ZFPM1: variants seen among roughly 807,000 people sequenced by gnomAD.
ZFPM1 encodes zinc finger protein ZFPM1.
In ZFPM1, 28 loss-of-function variants were observed where a neutral mutation model predicts 46.3. The observed-to-expected ratio is 0.60, with a 90% CI of 0.45 to 0.83. The LOEUF (loss-of-function observed/expected upper bound fraction) is 0.83. Among genes scored for constraint, ZFPM1 ranks in the 40% least tolerant of loss-of-function variants. The probability of loss-of-function intolerance (pLI) is 0.00; values close to 1 mark genes in which losing one functional copy is unlikely to be tolerated. For synonymous variants in ZFPM1, 957 were observed against 675.9 expected, an observed-to-expected ratio of 1.42 and a Z score of -6.45; for missense variants, 1,878 against 1,432.4, an observed-to-expected ratio of 1.31 and a Z score of -5.02.
chr16:88,479,062 C>G (rs902429476), intron 1 of ZFPM1, among the ~76,000 whole-genome samples: 1 of 152,214 alleles, frequency 6.6e-6, no homozygotes, highest in Non-Finnish European at 1.5e-5. Context: ...CTCTCCCAGG[C>G]TCTGCGCCCA....
chr16:88,491,557 G>T (rs1332335962), intron 3 of ZFPM1, among the ~76,000 whole-genome samples: 1 of 152,188 alleles, frequency 6.6e-6, no homozygotes, highest in African/African-American at 2.4e-5. Context: ...CCACCCCAAG[G>T]GTCCCTGTCC....
At chr16:88,502,953 A>G (rs1910452197) in intron 3 of ZFPM1, among the ~76,000 whole-genome samples, 1 of 152,208 alleles carries the variant, frequency 6.6e-6, no homozygotes, top group Non-Finnish European at 1.5e-5. Flanking sequence ...ACCCGCCTTT[A>G]GCTGTCGTTC....
At chr16:88,476,059 T>C (rs1908668097) in intron 1 of ZFPM1, among the ~76,000 whole-genome samples, 2 of 151,908 alleles carry the variant, frequency 1.3e-5, no homozygotes, top group Non-Finnish European at 1.5e-5. Flanking sequence ...ATCCCTCTCC[T>C]CGTGGTGCCC....
intron 3 of ZFPM1, among the ~76,000 whole-genome samples, chr16:88,514,083 G>A (rs113730336): frequency 5.3e-5 from 8 of 152,328 alleles, no homozygotes; most frequent in East Asian, 3.9e-4. Context: ...CTGTGCGGCC[G>A]GGCTCTGTGG....
chr16:88,502,091 T>G (rs1263770703), intron 3 of ZFPM1, among the ~76,000 whole-genome samples: 1 of 149,060 alleles, frequency 6.7e-6, no homozygotes, highest in African/African-American at 2.5e-5. Flanking sequence ...TATTTATTTA[T>G]TTATTTATTT....
chr16:88,466,250 C>A (rs78705842), intron 1 of ZFPM1, among the ~76,000 whole-genome samples: 5,532 of 152,292 alleles, frequency 0.036, 349 homozygotes, highest in African/African-American at 0.13. Context: ...CGTGGTTAGA[C>A]AACAGCTCCG....
At chr16:88,506,049 C>A (rs549353677) in intron 3 of ZFPM1, among the ~76,000 whole-genome samples, 1 of 152,294 alleles carries the variant, frequency 6.6e-6, no homozygotes, top group Admixed American at 6.5e-5. Flanking sequence ...AACCCTCATC[C>A]AGGAGGCCTG....
At chr16:88,525,688 G>A (rs897188101) in intron 4 of ZFPM1, among the ~76,000 whole-genome samples, 47 of 152,234 alleles carry the variant, frequency 3.1e-4, no homozygotes, top group South Asian at 6.2e-4. Flanking sequence ...GGGCAGCGGC[G>A]GTCACCCCTT....
intron 4 of ZFPM1, among the ~76,000 whole-genome samples, chr16:88,522,664 A>G (rs540584440): frequency 1.2e-3 from 182 of 152,342 alleles, no homozygotes; most frequent in Non-Finnish European, 2.2e-3. Flanking sequence ...AACAAGGAAC[A>G]TTCTCAGGTC....
At chr16:88,494,148 C>T (rs530675871) in intron 3 of ZFPM1, among the ~76,000 whole-genome samples, 9 of 152,190 alleles carry the variant, frequency 5.9e-5, no homozygotes, top group African/African-American at 1.7e-4. Flanking sequence ...TTGTCGGCTG[C>T]CCCGGGGCGG....
chr16:88,528,781 A>G (rs1185171103), intron 6 of ZFPM1, among the ~76,000 whole-genome samples: 1 of 152,182 alleles, frequency 6.6e-6, no homozygotes, highest in East Asian at 1.9e-4. Context: ...TCTGTTACCC[A>G]GGATGGTCAT....
rs531833505 is a variant in ZFPM1, at chr16:88,528,138, G to A, written c.612G>A (p.Lys204=). The change falls in exon 6 of 10, where the codon AAG becomes AAA. Residue 204 remains lysine, a synonymous_variant. Transcript: ENST00000319555. The part of the protein sequence containing the change: ...PHSTPGHPVK[K]EPAEPTCPAP... The stretch of plus-strand genomic sequence containing the variant: ...GCACCCCCGGCCACCCTGTGAAGAA[G>A]GAGCCAGCAGAGCCCACGTGCCCGG... 3 of 1,603,664 alleles carry A rather than the reference G, an allele frequency of 1.9e-6. No homozygotes were observed. The highest frequency in any genetic ancestry group is 1.3e-5 in the African/African-American group (1 of 74,866).
intron 3 of ZFPM1, among the ~76,000 whole-genome samples, chr16:88,494,143 G>A (rs569652864): frequency 1.5e-4 from 23 of 152,172 alleles, no homozygotes; most frequent in African/African-American, 4.1e-4. Flanking sequence ...TGAGCTTGTC[G>A]GCTGCCCCGG....
chr16:88,515,442 G>C (rs373004524), intron 4 of ZFPM1, among the ~76,000 whole-genome samples: 12 of 152,366 alleles, frequency 7.9e-5, no homozygotes, highest in East Asian at 3.9e-4. Context: ...CAGCCTTTGG[G>C]ACCTTGGGTG....
chr16:88,479,861 C>T (rs566571310), intron 1 of ZFPM1, among the ~76,000 whole-genome samples: 5 of 140,074 alleles, frequency 3.6e-5, no homozygotes, highest in African/African-American at 5.4e-5. Context: ...CCCTCCCCCC[C>T]GCTGCCACCC....
Position 88,527,913 on chromosome 16 carries a change from C to G in ZFPM1, c.506-119C>G, listed in dbSNP as rs1567554072. 5 of 1,050,396 alleles carry G rather than the reference C, an allele frequency of 4.8e-6. No individual in the cohort carries two copies. The East Asian group carries it at 1.5e-4, about 31-fold the overall frequency. 65.1% of individuals were successfully genotyped at this position (1,050,396 alleles called of 1,614,324 possible). On this transcript the variant is annotated intron_variant, in intron 5 of 9. Coordinates refer to ENST00000319555, the MANE Select transcript of ZFPM1 (RefSeq NM_153813.3). Reference sequence around the variant, plus strand: ...CAGGCAGGATGGCCCTGGCAGCCAGCCAGCCATGGCTGTGAACCCGGGTGG... The same window carrying G: ...CAGGCAGGATGGCCCTGGCAGCCAGGCAGCCATGGCTGTGAACCCGGGTGG...
intron 3 of ZFPM1, among the ~76,000 whole-genome samples, chr16:88,505,916 GGCACCCCCC>G (rs2075003249): frequency 6.6e-6 from 1 of 152,178 alleles, no homozygotes; most frequent in Non-Finnish European, 1.5e-5. Flanking sequence ...CCCAAGGACA[GGCACCCCCC>G]GCACCCCCAG....
At chr16:88,526,722 A>C (rs1183837386) in intron 4 of ZFPM1, 92 bp from the exon 5 acceptor site, 2 of 1,370,198 alleles carry the variant, frequency 1.5e-6, no homozygotes, top group East Asian at 5.0e-5. Context: ...CGGGAGGCAG[A>C]TCCGTGTCAC....
At chr16:88,532,326 A>G in intron 7 of ZFPM1, 91 bp downstream of exon 7, 1 of 1,264,000 alleles carries the variant, frequency 7.9e-7, no homozygotes, top group South Asian at 1.5e-5. Flanking sequence ...ACATGCAAGC[A>G]CACACGGTGC....
Sources: gnomAD v4.1 joint callset for allele counts (sites outside exome capture counted in the v4.1 genomes callset) on GRCh38, gnomAD v4.1.1 for gene constraint, MANE v1.5 for transcripts, NCBI Gene and HGNC (gene_info 2026-07-23, HGNC 2026-07-21) for gene names.